PLEKHA5: variants seen among roughly 807,000 people sequenced by gnomAD.
The protein encoded by PLEKHA5 is pleckstrin homology domain containing A5.
A neutral mutation model predicts 181.9 loss-of-function variants in PLEKHA5; 55 were observed. The observed-to-expected ratio is 0.30, with a 90% confidence interval of 0.24 to 0.38. The LOEUF is 0.38. Ranked by LOEUF, PLEKHA5 falls within the 10% of genes least tolerant of loss-of-function variation. The pLI, the probability that PLEKHA5 is intolerant of heterozygous loss-of-function variation, is 1.00. For missense variants in PLEKHA5, 1,432 were observed against 1,549.5 expected (o/e 0.92, Z 1.27); for synonymous variants, 535 against 529.4 (o/e 1.01, Z -0.15).
At chr12:19,290,618 C>G in intron 13 of PLEKHA5, 59 bp from the exon 14 acceptor site, 1 of 1,468,456 alleles carries the variant, frequency 6.8e-7, no homozygotes, top group Non-Finnish European at 9.1e-7. Flanking sequence ...ATATCTGTCA[C>G]TTAAGACAAC....
chr12:19,350,888 C>A (rs2094559314), intron 25 of PLEKHA5, among the ~76,000 whole-genome samples: 1 of 151,272 alleles, frequency 6.6e-6, no homozygotes, highest in African/African-American at 2.4e-5. Flanking sequence ...AAAATACTGG[C>A]ATCTTGAAAA....
At chr12:19,203,438 C>T (rs1237658606) in intron 3 of PLEKHA5, among the ~76,000 whole-genome samples, 1 of 152,028 alleles carries the variant, frequency 6.6e-6, no homozygotes. Flanking sequence ...TTCGCATTGT[C>T]AATACAAGTT....
intron 3 of PLEKHA5, among the ~76,000 whole-genome samples, chr12:19,195,446 A>C (rs1372799675): frequency 6.6e-6 from 1 of 152,070 alleles, no homozygotes; most frequent in Admixed American, 6.6e-5. Flanking sequence ...AGGCAGGCAG[A>C]TCACTTGAGT....
At chr12:19,356,068 G>A (rs1006280258) in intron 26 of PLEKHA5, among the ~76,000 whole-genome samples, 1 of 151,848 alleles carries the variant, frequency 6.6e-6, no homozygotes, top group Non-Finnish European at 1.5e-5. Context: ...GGGAGGCTGA[G>A]GCATAAGAAT....
At chr12:19,334,466 G>T (rs995538732) in intron 20 of PLEKHA5, among the ~76,000 whole-genome samples, 1 of 152,140 alleles carries the variant, frequency 6.6e-6, no homozygotes, top group East Asian at 1.9e-4. Flanking sequence ...CTGCAGTGCA[G>T]TTAAGCCTAC....
intron 20 of PLEKHA5, among the ~76,000 whole-genome samples, chr12:19,330,275 TA>T (rs2092712508): frequency 6.6e-6 from 1 of 152,128 alleles, no homozygotes; most frequent in South Asian, 2.1e-4. Flanking sequence ...TACAAATAGC[TA>T]AAACATAGAA....
intron 3 of PLEKHA5, among the ~76,000 whole-genome samples, chr12:19,171,587 G>T (rs144596698): frequency 2.7e-4 from 41 of 152,158 alleles, no homozygotes; most frequent in African/African-American, 9.4e-4. Flanking sequence ...TTGAACTACT[G>T]ACCTCAAATA....
chr12:19,271,768 T>A (rs561307270), intron 10 of PLEKHA5, among the ~76,000 whole-genome samples: 5 of 152,300 alleles, frequency 3.3e-5, no homozygotes, highest in Admixed American at 2.6e-4. Context: ...GATAGTTCAC[T>A]AGTTAGGTGC....
At chr12:19,325,008 A>G (rs1565618657) in intron 20 of PLEKHA5, among the ~76,000 whole-genome samples, 1 of 152,250 alleles carries the variant, frequency 6.6e-6, no homozygotes, top group African/African-American at 2.4e-5. Flanking sequence ...ACTGGGATTA[A>G]TAAATTAAAT....
chr12:19,237,974 A>G (rs1342939323), intron 3 of PLEKHA5, among the ~76,000 whole-genome samples: 1 of 152,018 alleles, frequency 6.6e-6, no homozygotes, highest in Admixed American at 6.6e-5. Flanking sequence ...TATTGTACAA[A>G]CAAAAGCCTA....
rs77060462 is a variant in PLEKHA5, at chr12:19,207,943, C to A, written c.228-45997C>A. 1.5e-3 allele frequency among the ~76,000 whole-genome samples: 233 copies of A among 152,094 alleles called. 1 individual carries two copies. The East Asian group carries it at 0.025, about 16-fold the overall frequency. On this transcript the variant is annotated intron_variant, in intron 3 of 31. Coordinates refer to ENST00000429027, the MANE Select transcript of PLEKHA5 (RefSeq NM_001256470.2). ...TAAGTTAAAATGGCATTTTTGAAAG[C>A]CACTAGGAGTGTAGTCAATGACTAC...
intron 11 of PLEKHA5, among the ~76,000 whole-genome samples, chr12:19,282,112 A>G (rs2076319720): frequency 6.6e-6 from 1 of 152,136 alleles, no homozygotes; most frequent in African/African-American, 2.4e-5. Context: ...TAGTAAACTG[A>G]AATTGTATTC....
intron 3 of PLEKHA5, among the ~76,000 whole-genome samples, chr12:19,221,201 A>G (rs140993357): frequency 1.3e-5 from 2 of 152,336 alleles, no homozygotes; most frequent in African/African-American, 4.8e-5. Flanking sequence ...TTGAATGTCT[A>G]TAGCAGCTTT....
At chr12:19,149,430 G>C (rs2039784070) in intron 3 of PLEKHA5, 1 of 151,150 alleles carries the variant, frequency 6.6e-6, no homozygotes, top group Admixed American at 6.6e-5. Flanking sequence ...CGTGAACCCG[G>C]GAGGCGGAGC....
chr12:19,169,055 A>G (rs2045273808), intron 3 of PLEKHA5, among the ~76,000 whole-genome samples: 1 of 152,136 alleles, frequency 6.6e-6, no homozygotes, highest in Non-Finnish European at 1.5e-5. Flanking sequence ...CAAATTACTG[A>G]TTTATTCTGT....
intron 3 of PLEKHA5, among the ~76,000 whole-genome samples, chr12:19,244,585 C>CT (rs1052444557): frequency 3.3e-5 from 5 of 152,196 alleles, no homozygotes; most frequent in African/African-American, 1.2e-4. Context: ...AACCACTATG[C>CT]TATTCTATTT....
intron 3 of PLEKHA5, among the ~76,000 whole-genome samples, chr12:19,231,613 A>ATTTATATATGT (rs1345945535): frequency 3.1e-4 from 10 of 32,402 alleles, no homozygotes; most frequent in Admixed American, 5.8e-4. Context: ...TATATATATA[A>ATTTATATATGT]ATACTCATAA....
chr12:19,153,646 T>G (rs2040991010), intron 3 of PLEKHA5: 1 of 152,214 alleles, frequency 6.6e-6, no homozygotes, highest in African/African-American at 2.4e-5. Flanking sequence ...GGATTCACTC[T>G]TGGTGTTGTG....
At chr12:19,136,977 C>G (rs1226746247) in intron 3 of PLEKHA5, among the ~76,000 whole-genome samples, 1 of 151,744 alleles carries the variant, frequency 6.6e-6, no homozygotes, top group Non-Finnish European at 1.5e-5. Context: ...GGGAATCTAA[C>G]AAGTGCCATA....
Sources: gnomAD v4.1 joint callset for allele counts (sites outside exome capture counted in the v4.1 genomes callset) on GRCh38, gnomAD v4.1.1 for gene constraint, MANE v1.5 for transcripts, NCBI Gene and HGNC (gene_info 2026-07-23, HGNC 2026-07-21) for gene names.